CREM: variants seen among roughly 807,000 people sequenced by gnomAD.
The protein encoded by CREM is cAMP-responsive element modulator.
In CREM, 13 loss-of-function variants were observed where a neutral mutation model predicts 37.3. The ratio of observed to expected loss-of-function variants is 0.35; its 90% CI spans 0.23 to 0.55. The LOEUF (loss-of-function observed/expected upper bound fraction) is 0.55. Among genes scored for constraint, CREM ranks in the 20% least tolerant of loss-of-function variants. CREM has a pLI of 0.88. For missense variants in CREM, 296 were observed against 362.3 expected (o/e 0.82, Z 1.49); for synonymous variants, 124 against 120.2 (o/e 1.03, Z -0.21).
intron 7 of CREM, among the ~76,000 whole-genome samples, chr10:35,208,922 T>TG (rs1173233942): frequency 3.9e-5 from 6 of 152,352 alleles, no homozygotes; most frequent in African/African-American, 1.4e-4. Context: ...CATTATCTGT[T>TG]TAGCAGATTT....
At chr10:35,185,670 G>A (rs1214929896) in intron 5 of CREM, among the ~76,000 whole-genome samples, 2 of 152,114 alleles carry the variant, frequency 1.3e-5, no homozygotes, top group Non-Finnish European at 2.9e-5. Context: ...TCTTTGGAAA[G>A]CCATGGTTTA....
Position 35,127,733 on chromosome 10 carries a change from G to C in CREM, c.-55+540G>C, listed in dbSNP as rs2088182367. ...GGCAGTCTCCGGAGTGGGAAGGGCA[G>C]AGCCGCGACCGCTCTCGGAAGGCGC... On this transcript the variant is annotated intron_variant, in intron 1 of 7. Transcript: ENST00000685392. Among the ~76,000 whole-genome samples, 4 of 152,346 alleles carry C rather than the reference G, an allele frequency of 2.6e-5. No individual in the cohort carries two copies. In the South Asian group the frequency reaches 8.3e-4, roughly 32 times the overall value.
At chr10:35,176,501 G>A (rs942662602) in intron 3 of CREM, among the ~76,000 whole-genome samples, 7 of 149,522 alleles carry the variant, frequency 4.7e-5, no homozygotes, top group African/African-American at 1.7e-4. Context: ...TCCACCTCCC[G>A]GGTTCACGCC....
intron 3 of CREM, among the ~76,000 whole-genome samples, chr10:35,170,851 C>T (rs1008647643): frequency 6.6e-6 from 1 of 152,104 alleles, no homozygotes; most frequent in Non-Finnish European, 1.5e-5. Flanking sequence ...GGTTGACGCT[C>T]TTGCTTATAA....
chr10:35,182,547 T>A (rs1307745708), intron 5 of CREM, among the ~76,000 whole-genome samples: 1 of 152,232 alleles, frequency 6.6e-6, no homozygotes, highest in Non-Finnish European at 1.5e-5. Context: ...TAGCTGGTGT[T>A]TAAAAGAACT....
chr10:35,153,671 C>T (rs1361153832), intron 3 of CREM, among the ~76,000 whole-genome samples: 1 of 152,150 alleles, frequency 6.6e-6, no homozygotes, highest in African/African-American at 2.4e-5. Context: ...CTGCTGAAGC[C>T]TGGAGGCCTC....
chr10:35,201,553 A>C, intron 6 of CREM: 1 of 1,546,214 alleles, frequency 6.5e-7, no homozygotes, highest in Non-Finnish European at 8.8e-7. Flanking sequence ...TACCGTGTTT[A>C]AAGCTTGCAA....
rs58503822 is a variant in CREM at position 35,196,865 on chromosome 10, CTTTTTT to C, written c.598+8494_598+8499del. On this transcript the variant is annotated intron_variant, in intron 6 of 7. Coordinates refer to ENST00000685392, the MANE Select transcript of CREM (RefSeq NM_183011.2). ...TAAAATGATGTGAAAACGCTGTGTA[CTTTTTT>C]TTTTTTTTTTTTTTTTGAGACGGGG... Among the ~76,000 whole-genome samples, 143 of 108,938 alleles carry C rather than the reference CTTTTTT, an allele frequency of 1.3e-3. 1 individual carries two copies. Among genetic ancestry groups the C allele is most frequent in the African/African-American group, 4.5e-3 (130 of 28,584 alleles). The allele number at this position is 108,938 out of a possible 152,430, so 71.5% of individuals were successfully genotyped here.
At position 35,148,415 on chromosome 10, in the gene CREM, C is replaced by T; in HGVS notation, c.92C>T (p.Thr31Ile). 6.2e-7 allele frequency: 1 copy of T among 1,613,596 alleles called. No individual in the cohort carries two copies. The highest frequency in any genetic ancestry group is 8.5e-7 in the Non-Finnish European group (1 of 1,179,710). Residue 31 changes from threonine (T) to isoleucine (I), a missense_variant, in exon 3 of 8, where the codon ACA becomes ATA. By Grantham distance (89) the Thr-to-Ile change is moderately conservative (BLOSUM62 -1). Around this residue, in one of 2 missense-constraint regions of CREM, gnomAD observed 257 missense variants for 280.2 expected, o/e 0.92. Transcript: ENST00000685392. ...TVESQHDGSI[T>I]ASLTESKSAH... is the part of the protein sequence containing the mutation. ...GAATCCCAGCATGATGGAAGTATAACAGCTTCTTTGACAGAGAGCAAGTCT... is the reference window on the plus strand; with the variant it reads ...GAATCCCAGCATGATGGAAGTATAATAGCTTCTTTGACAGAGAGCAAGTCT...
intron 3 of CREM, among the ~76,000 whole-genome samples, chr10:35,176,877 T>G (rs192372923): frequency 1.3e-5 from 2 of 152,320 alleles, no homozygotes; most frequent in Admixed American, 1.3e-4. Flanking sequence ...GTAGATATGA[T>G]TATTATTGTG....
chr10:35,187,625 T>G (rs2094707553), intron 5 of CREM, among the ~76,000 whole-genome samples: 1 of 152,138 alleles, frequency 6.6e-6, no homozygotes, highest in African/African-American at 2.4e-5. Context: ...TGAATGAAGG[T>G]AGAAATTCAT....
intron 6 of CREM, among the ~76,000 whole-genome samples, chr10:35,204,103 A>T (rs1173094908): frequency 6.6e-6 from 1 of 152,144 alleles, no homozygotes; most frequent in Non-Finnish European, 1.5e-5. Context: ...TCTCTGCTCC[A>T]CTCCATCTCT....
At chr10:35,166,154 AATC>A (rs1308935479) in intron 3 of CREM, among the ~76,000 whole-genome samples, 10 of 152,352 alleles carry the variant, frequency 6.6e-5, no homozygotes, top group African/African-American at 2.4e-4. Context: ...TAGAAATAAT[AATC>A]ATACTTGGCT....
chr10:35,179,425 A>G, intron 5 of CREM, 149 bp downstream of exon 5: 1 of 916,138 alleles, frequency 1.1e-6, no homozygotes, highest in Non-Finnish European at 1.5e-6. Context: ...AGTATATGTT[A>G]AAAAGTGAGA....
intron 6 of CREM, among the ~76,000 whole-genome samples, chr10:35,193,100 CTG>C (rs1352221944): frequency 6.6e-6 from 1 of 152,328 alleles, no homozygotes; most frequent in African/African-American, 2.4e-5. Context: ...TGAGTTCCTA[CTG>C]TACTTCCTTA....
intron 3 of CREM, among the ~76,000 whole-genome samples, chr10:35,164,498 A>G (rs899171909): frequency 2.0e-5 from 3 of 152,234 alleles, no homozygotes; most frequent in African/African-American, 7.2e-5. Context: ...TATATGTTTT[A>G]TGCTTCTTAA....
intron 6 of CREM, chr10:35,195,132 C>T: frequency 6.3e-7 from 1 of 1,590,028 alleles, no homozygotes; most frequent in Non-Finnish European, 8.6e-7. Flanking sequence ...TAATTTGGAA[C>T]ACTTTATGTT....
chr10:35,168,626 G>A (rs967990408), intron 3 of CREM, among the ~76,000 whole-genome samples: 1 of 152,118 alleles, frequency 6.6e-6, no homozygotes, highest in African/African-American at 2.4e-5. Context: ...GTCAATTTTG[G>A]CTTTGTTGCC....
At chr10:35,204,047 C>G (rs991088958) in intron 6 of CREM, among the ~76,000 whole-genome samples, 3 of 152,214 alleles carry the variant, frequency 2.0e-5, no homozygotes, top group Non-Finnish European at 2.9e-5. Flanking sequence ...CCATAACCTT[C>G]TTCCCTGGAT....
Sources: gnomAD v4.1 joint callset for allele counts (sites outside exome capture counted in the v4.1 genomes callset) on GRCh38, gnomAD v4.1.1 for gene constraint, gnomAD v4.1.1 regional missense constraint, MANE v1.5 for transcripts, NCBI Gene and HGNC (gene_info 2026-07-23, HGNC 2026-07-21) for gene names.